The following ARFGEF3 variants were observed in gnomAD, a reference collection of about 807,000 sequenced individuals.
The protein encoded by ARFGEF3 is brefeldin A-inhibited guanine nucleotide-exchange protein 3.
A neutral mutation model predicts 221.7 loss-of-function variants in ARFGEF3; 96 were observed. The ratio of observed to expected loss-of-function variants is 0.43; its 90% CI spans 0.37 to 0.51. The LOEUF is 0.51. Ranked by LOEUF, ARFGEF3 falls within the 20% of genes least tolerant of loss-of-function variation. The probability of loss-of-function intolerance (pLI) is 0.00; values close to 1 mark genes in which losing one functional copy is unlikely to be tolerated. For synonymous variants in ARFGEF3, 1,145 were observed against 1,126.8 expected, an observed-to-expected ratio of 1.02 and a Z score of -0.32; for missense variants, 2,410 against 2,789.9, an observed-to-expected ratio of 0.86 and a Z score of 3.07.
At chr6:138,189,104 G>A (rs912959271) in intron 2 of ARFGEF3, among the ~76,000 whole-genome samples, 3 of 152,214 alleles carry the variant, frequency 2.0e-5, no homozygotes, top group Non-Finnish European at 4.4e-5. Context: ...GATGCCTATG[G>A]AGAAGGTACT....
chr6:138,214,806 G>A (rs953786208), intron 4 of ARFGEF3, among the ~76,000 whole-genome samples: 1 of 152,146 alleles, frequency 6.6e-6, no homozygotes, highest in African/African-American at 2.4e-5. Context: ...AATCAGTGAA[G>A]CCTGCTTCTG....
At position 138,245,489 on chromosome 6, in the gene ARFGEF3, C is replaced by T. The variant is rs775890893; in HGVS notation, c.587-24C>T. The T allele has an allele frequency of 3.2e-6, 5 of 1,573,104 alleles. No homozygotes were observed. In the South Asian group the frequency reaches 5.7e-5, roughly 18 times the overall value. On this transcript the variant is annotated intron_variant, in intron 7 of 33. Coordinates refer to ENST00000251691, the MANE Select transcript of ARFGEF3 (RefSeq NM_020340.5). ...TCGTGCCCCCTGTCGATGTCTCATG[C>T]CTGTAACCTCCTCTGTTTTGAAGGG...
chr6:138,232,301 G>A (rs940827329), intron 5 of ARFGEF3, among the ~76,000 whole-genome samples: 2 of 152,168 alleles, frequency 1.3e-5, no homozygotes, highest in Non-Finnish European at 2.9e-5. Flanking sequence ...GAGGTTGAGA[G>A]TTCGAGACCA....
intron 8 of ARFGEF3, among the ~76,000 whole-genome samples, chr6:138,250,019 T>C (rs1562367389): frequency 1.3e-5 from 2 of 152,226 alleles, no homozygotes; most frequent in Non-Finnish European, 2.9e-5. Context: ...TACCATTGCT[T>C]CTGATTTTAC....
chr6:138,314,549 G>C (rs1779886148), intron 26 of ARFGEF3, among the ~76,000 whole-genome samples: 1 of 152,206 alleles, frequency 6.6e-6, no homozygotes, highest in South Asian at 2.1e-4. Context: ...ATCAGGTACA[G>C]TTGAGACCAA....
chr6:138,216,434 A>G (rs1777860415), intron 4 of ARFGEF3: 2 of 152,104 alleles, frequency 1.3e-5, no homozygotes, highest in Admixed American at 6.6e-5. Context: ...TGTGCTTTTA[A>G]ATTATGTATC....
chr6:138,215,274 C>A (rs1042308337), intron 4 of ARFGEF3, among the ~76,000 whole-genome samples: 3 of 152,110 alleles, frequency 2.0e-5, no homozygotes, highest in Admixed American at 6.6e-5. Flanking sequence ...GGCTGTTCGC[C>A]TCTGTAAGCA....
chr6:138,228,182 T>TC (rs1327652001), intron 4 of ARFGEF3, among the ~76,000 whole-genome samples: 1 of 136,340 alleles, frequency 7.3e-6, no homozygotes, highest in Non-Finnish European at 1.6e-5. Context: ...ATTTTTTTTT[T>TC]TTTTTTTTTT....
intron 8 of ARFGEF3, among the ~76,000 whole-genome samples, chr6:138,253,279 A>G (rs935540062): frequency 6.6e-6 from 1 of 151,734 alleles, no homozygotes; most frequent in Non-Finnish European, 1.5e-5. Context: ...TTTTCTATAA[A>G]TCTCCAAGTG....
rs1205954452 is a variant in ARFGEF3, at chr6:138,291,854, G to A, written c.3169G>A (p.Glu1057Lys). The change falls in exon 19 of 34, where the codon GAG becomes AAG. Residue 1057 changes from glutamate (E) to lysine (K), a missense_variant. Glu to Lys is a moderately conservative substitution (Grantham distance 56). This residue lies in a region of ARFGEF3 where 184 missense variants were observed against 141.8 expected (regional missense o/e 1.30). Transcript: ENST00000251691. This position sits in a 1 kb window ranked among gnomAD's most constrained non-coding sequence, Gnocchi z 4.5. ...AAGCGCTGGCCTCCTTGGGGACCCC[G>A]AGTGTGAGGGCTCGCCCCCCGAGCA... The part of the protein sequence containing the change: ...TGSAGLLGDP[E>K]CEGSPPEHSP... The A allele has an allele frequency of 2.4e-5, 36 of 1,500,054 alleles. No homozygotes were observed. The highest frequency in any genetic ancestry group is 2.9e-5 in the Non-Finnish European group (33 of 1,121,054). The allele number at this position is 1,500,054 out of a possible 1,614,324, so 92.9% of individuals were successfully genotyped here. A position where few individuals can be genotyped will look rare whatever the true frequency, so the allele number is the denominator to read the frequency against.
chr6:138,176,554 A>G (rs1776952194), intron 2 of ARFGEF3, among the ~76,000 whole-genome samples: 1 of 152,022 alleles, frequency 6.6e-6, no homozygotes, highest in South Asian at 2.1e-4. Context: ...TTTACATTCA[A>G]GGTTAATATT....
chr6:138,318,654 T>A (rs1238381155), intron 27 of ARFGEF3, among the ~76,000 whole-genome samples: 1 of 152,172 alleles, frequency 6.6e-6, no homozygotes, highest in East Asian at 1.9e-4. Flanking sequence ...AGGAAATACA[T>A]CAAAATGTGA....
rs141061041 is a variant in ARFGEF3 at position 138,265,079 on chromosome 6, A to G, written c.2128+1468A>G. Among the ~76,000 whole-genome samples, 785 of 151,956 alleles carry G rather than the reference A, an allele frequency of 5.2e-3. 7 individuals are homozygous for G. The highest frequency in any genetic ancestry group is 0.018 in the African/African-American group (733 of 41,418). On this transcript the variant is annotated intron_variant, in intron 12 of 33. Transcript: ENST00000251691. Reference sequence around the variant, plus strand: ...CCACCACACCGGGCTAATTTTTTGTATTTTTAGTAGAGACAGGGTTTCGCT... The same window carrying G: ...CCACCACACCGGGCTAATTTTTTGTGTTTTTAGTAGAGACAGGGTTTCGCT...
intron 21 of ARFGEF3, among the ~76,000 whole-genome samples, chr6:138,297,443 C>T (rs1041925041): frequency 6.6e-6 from 1 of 152,164 alleles, no homozygotes; most frequent in Non-Finnish European, 1.5e-5. Context: ...GAAAGCAGTT[C>T]GTGTGATCAG....
intron 2 of ARFGEF3, among the ~76,000 whole-genome samples, chr6:138,180,205 C>T (rs1582997514): frequency 6.6e-6 from 1 of 152,188 alleles, no homozygotes; most frequent in African/African-American, 2.4e-5. Context: ...GCAAATACCC[C>T]AATAGCTGTT....
chr6:138,321,228 G>A lies in ARFGEF3; in HGVS notation c.4766+3G>A, dbSNP rs1411973071. 2 of 1,450,744 alleles carry A rather than the reference G, an allele frequency of 1.4e-6. No homozygotes were observed. Among genetic ancestry groups the A allele is most frequent in the African/African-American group, 2.8e-5 (2 of 70,608 alleles). The allele number at this position is 1,450,744 out of a possible 1,614,324, so 89.9% of individuals were successfully genotyped here. ...AGAGTGGGCTGCTCCTGTATTAGGT[G>A]AGGAAATGCTTTCCTGACTCTCCAC... is the stretch of plus-strand genomic sequence containing the variant. On this transcript the variant is annotated splice_donor_region_variant and intron_variant, in intron 29 of 33. Coordinates refer to ENST00000251691, the MANE Select transcript of ARFGEF3 (RefSeq NM_020340.5).
intron 12 of ARFGEF3, among the ~76,000 whole-genome samples, chr6:138,266,291 G>GAGGGC (rs374217839): frequency 1.3e-5 from 2 of 151,752 alleles, no homozygotes; most frequent in South Asian, 2.1e-4. Context: ...GAAGGCAAGG[G>GAGGGC]AGGGCAGGGC....
intron 9 of ARFGEF3, among the ~76,000 whole-genome samples, chr6:138,254,524 G>A (rs1778639875): frequency 1.3e-5 from 2 of 151,956 alleles, no homozygotes; most frequent in African/African-American, 2.4e-5. Context: ...AAGGTCAGGA[G>A]TTCAAGACTA....
At chr6:138,301,516 A>T (rs1779628469) in intron 22 of ARFGEF3, among the ~76,000 whole-genome samples, 1 of 152,228 alleles carries the variant, frequency 6.6e-6, no homozygotes, top group African/African-American at 2.4e-5. Flanking sequence ...TGATGAATTC[A>T]TGGAGAAATG....
Sources: gnomAD v4.1 joint callset for allele counts (sites outside exome capture counted in the v4.1 genomes callset) on GRCh38, gnomAD v4.1.1 for gene constraint, gnomAD v4.1.1 regional missense constraint, Gnocchi (gnomAD v3.1) non-coding constraint, MANE v1.5 for transcripts, NCBI Gene and HGNC (gene_info 2026-07-23, HGNC 2026-07-21) for gene names.